PLCH1: variants seen among roughly 807,000 people sequenced by gnomAD.
PLCH1 encodes 1-phosphatidylinositol 4,5-bisphosphate phosphodiesterase eta-1.
A neutral mutation model predicts 126.7 loss-of-function variants in PLCH1; 60 were observed. The observed-to-expected ratio is 0.47, with a 90% confidence interval of 0.38 to 0.59. The LOEUF (loss-of-function observed/expected upper bound fraction) is 0.59, where lower values mean the gene tolerates loss of function less well. Ranked by LOEUF, PLCH1 falls within the 20% of genes least tolerant of loss-of-function variation. The pLI is 0.00. For missense variants in PLCH1, 1,723 were observed against 2,040.0 expected (o/e 0.84, Z 2.99); for synonymous variants, 719 against 734.9 (o/e 0.98, Z 0.35).
chr3:155,567,186 C>T (rs1560178635), intron 7 of PLCH1, among the ~76,000 whole-genome samples: 1 of 152,226 alleles, frequency 6.6e-6, no homozygotes, highest in East Asian at 1.9e-4. Flanking sequence ...GACTCTCGTG[C>T]CTCAGTTTCC....
intron 1 of PLCH1, among the ~76,000 whole-genome samples, chr3:155,723,050 A>G (rs1364394243): frequency 6.6e-6 from 1 of 152,158 alleles, no homozygotes; most frequent in Non-Finnish European, 1.5e-5. Flanking sequence ...TTAATCTAGG[A>G]GGATTGTATA....
chr3:155,542,847 C>T (rs1724559286), intron 10 of PLCH1, among the ~76,000 whole-genome samples: 1 of 152,136 alleles, frequency 6.6e-6, no homozygotes, highest in Admixed American at 6.5e-5. Flanking sequence ...AGAAGGAAAA[C>T]TAACAAACAG....
chr3:155,488,385 C>T (rs185068826), intron 20 of PLCH1, among the ~76,000 whole-genome samples: 15 of 152,020 alleles, frequency 9.9e-5, no homozygotes, highest in African/African-American at 2.7e-4. Context: ...TTAGTAGGGA[C>T]GGGGTTTCTC....
Position 155,523,578 on chromosome 3 carries a change from A to T in PLCH1, c.1470+319T>A, listed in dbSNP as rs138815466. Among the ~76,000 whole-genome samples, 451 of 152,324 alleles carry T rather than the reference A, an allele frequency of 3.0e-3. 1 individual carries two copies. Among genetic ancestry groups the T allele is most frequent in the African/African-American group, 1.0e-2 (415 of 41,566 alleles). On this transcript the variant is annotated intron_variant, in intron 11 of 22. Transcript: ENST00000460012. Reference sequence around the variant, plus strand: ...GGAAGGCAATGCTAAAAGTAAAGCCAGCTTTTATTATCAAAGACAGTAACA... The same window carrying T: ...GGAAGGCAATGCTAAAAGTAAAGCCTGCTTTTATTATCAAAGACAGTAACA...
chr3:155,553,481 A>G (rs755890763), intron 9 of PLCH1, among the ~76,000 whole-genome samples: 2 of 152,226 alleles, frequency 1.3e-5, no homozygotes, highest in Admixed American at 6.5e-5. Context: ...AAATATCCAG[A>G]AAGTGATCTA....
intron 2 of PLCH1, among the ~76,000 whole-genome samples, chr3:155,669,026 G>A (rs1483995266): frequency 6.6e-6 from 1 of 152,114 alleles, no homozygotes; most frequent in Non-Finnish European, 1.5e-5. Flanking sequence ...GTTTACATGT[G>A]TGTGTGCATG....
At chr3:155,517,178 G>A (rs1720452241) in intron 11 of PLCH1, among the ~76,000 whole-genome samples, 2 of 152,018 alleles carry the variant, frequency 1.3e-5, no homozygotes, top group South Asian at 4.2e-4. Flanking sequence ...ATGGTGGCAT[G>A]CACCTGTAGC....
At position 155,624,255 on chromosome 3, in the gene PLCH1, A is replaced by T. The variant is rs183264778; in HGVS notation, c.80-27877T>A. Among the ~76,000 whole-genome samples the T allele has an allele frequency of 6.5e-3, 986 of 152,338 alleles. 15 individuals carry two copies. The highest frequency in any genetic ancestry group is 0.022 in the African/African-American group (932 of 41,572). On this transcript the variant is annotated intron_variant, in intron 2 of 22. Transcript: ENST00000460012. ...AGGTATTGATGGGACGTAGCTCAAA[A>T]TAATAAGAGCTACTTATGACAAACC...
At position 155,485,637 on chromosome 3, in the gene PLCH1, T is replaced by C; in HGVS notation, c.2693A>G (p.His898Arg). The C allele has an allele frequency of 6.2e-7, 1 of 1,611,470 alleles. No individual in the cohort carries two copies. The highest frequency in any genetic ancestry group is 1.3e-5 in the African/African-American group (1 of 75,044). Reference protein sequence around the residue: ...PRHSSSENNSHYVRKRSIGDR... With the variant: ...PRHSSSENNSRYVRKRSIGDR... ...TCCAATGGATCGCTTCCGTACATAA[T>C]GGGAATTGTTTTCTGAAGAACTGTG... The change falls in exon 22 of 23, where the codon CAT becomes CGT. Residue 898 changes from histidine to arginine, a missense_variant. This residue lies in a region of PLCH1 where 947 missense variants were observed against 977.1 expected (regional missense o/e 0.97). Transcript: ENST00000460012.
chr3:155,671,988 A>C (rs1463679329), intron 2 of PLCH1, among the ~76,000 whole-genome samples: 2 of 152,228 alleles, frequency 1.3e-5, no homozygotes, highest in African/African-American at 4.8e-5. Context: ...TTTTTAAATT[A>C]ACAAGGCGTA....
At chr3:155,672,803 G>T (rs1743662712) in intron 2 of PLCH1, among the ~76,000 whole-genome samples, 1 of 152,168 alleles carries the variant, frequency 6.6e-6, no homozygotes, top group Non-Finnish European at 1.5e-5. Flanking sequence ...TTCTACAGCA[G>T]CTTTGATCAG....
intron 7 of PLCH1, 126 bp from the exon 8 acceptor site, chr3:155,565,244 G>T: frequency 1.6e-6 from 1 of 639,540 alleles, no homozygotes. Flanking sequence ...GATGGCATTT[G>T]TGGGGAAAAC....
At chr3:155,542,936 G>GA (rs776428441) in intron 10 of PLCH1, among the ~76,000 whole-genome samples, 219 of 152,238 alleles carry the variant, frequency 1.4e-3, no homozygotes, top group African/African-American at 5.1e-3. Flanking sequence ...CAAAGATGGG[G>GA]AAAAAACAGA....
At chr3:155,530,979 G>A (rs1722597692) in intron 10 of PLCH1, among the ~76,000 whole-genome samples, 1 of 152,190 alleles carries the variant, frequency 6.6e-6, no homozygotes, top group African/African-American at 2.4e-5. Context: ...GGGTGACCAG[G>A]TGCATTGTCA....
chr3:155,520,996 G>A (rs1313670248), intron 11 of PLCH1, among the ~76,000 whole-genome samples: 3 of 152,272 alleles, frequency 2.0e-5, no homozygotes, highest in East Asian at 1.9e-4. Flanking sequence ...CTCAAATCCC[G>A]CTTCTGGCCT....
chr3:155,528,083 G>T (rs1722199899), intron 10 of PLCH1, among the ~76,000 whole-genome samples: 1 of 152,028 alleles, frequency 6.6e-6, no homozygotes, highest in South Asian at 2.1e-4. Flanking sequence ...AATTAGCCAG[G>T]CATGGTGGCA....
At chr3:155,730,486 G>A (rs1056956159) in intron 1 of PLCH1, among the ~76,000 whole-genome samples, 3 of 152,044 alleles carry the variant, frequency 2.0e-5, no homozygotes, top group Non-Finnish European at 2.9e-5. Flanking sequence ...TCACCATGTT[G>A]GCCAGGCTGG....
At chr3:155,672,178 T>C (rs1369469043) in intron 2 of PLCH1, among the ~76,000 whole-genome samples, 1 of 152,182 alleles carries the variant, frequency 6.6e-6, no homozygotes, top group Non-Finnish European at 1.5e-5. Flanking sequence ...TGTCTTAAAG[T>C]TGGCAGTTCT....
At chr3:155,598,620 A>G (rs1420631581) in intron 2 of PLCH1, among the ~76,000 whole-genome samples, 1 of 152,210 alleles carries the variant, frequency 6.6e-6, no homozygotes, top group Non-Finnish European at 1.5e-5. Flanking sequence ...TATTAATGGC[A>G]ATTCAGAGCT....
Sources: allele counts gnomAD v4.1 joint callset (sites outside exome capture counted in the v4.1 genomes callset), GRCh38; gene constraint gnomAD v4.1.1; regional missense constraint gnomAD v4.1.1; transcripts MANE v1.5; gene names NCBI Gene and HGNC (gene_info 2026-07-23, HGNC 2026-07-21).